Variants in CEP41 observed in about 807,000 individuals in gnomAD.
The protein encoded by CEP41 is centrosomal protein of 41 kDa.
CEP41 carries 32 observed loss-of-function variants against 44.3 expected under a neutral mutation model. The observed-to-expected ratio is 0.72, with a 90% CI of 0.54 to 0.97. The LOEUF (loss-of-function observed/expected upper bound fraction) is 0.97. CEP41 is among the 50% of genes least tolerant of loss of function. CEP41 has a pLI of 0.00. For synonymous variants in CEP41, 151 were observed against 168.5 expected (o/e 0.90, Z 0.80); for missense variants, 432 against 455.2 (o/e 0.95, Z 0.46).
chr7:130,412,130 G>A (rs782579089), intron 4 of CEP41, 49 bp downstream of exon 4: 1 of 975,474 alleles, frequency 1.0e-6, no homozygotes, highest in East Asian at 2.4e-5. Context: ...TACATAAAGT[G>A]GCACAAATTA....
At chr7:130,428,999 G>C (rs1286291780) in intron 1 of CEP41, among the ~76,000 whole-genome samples, 4 of 152,104 alleles carry the variant, frequency 2.6e-5, no homozygotes, top group Non-Finnish European at 5.9e-5. Flanking sequence ...TCAGTCCACT[G>C]TTGCAACCCA....
chr7:130,407,356 A>G (rs1351127281), intron 5 of CEP41, among the ~76,000 whole-genome samples: 1 of 151,978 alleles, frequency 6.6e-6, no homozygotes, highest in African/African-American at 2.4e-5. Flanking sequence ...AGCAATATAT[A>G]CCCATGGGTT....
chr7:130,400,222 C>A lies in CEP41; in HGVS notation c.790G>T (p.Gly264Ter). 6.2e-7 allele frequency: 1 copy of A among 1,613,864 alleles called. No homozygotes were observed. Among genetic ancestry groups the A allele is most frequent in the South Asian group, 1.1e-5 (1 of 91,062 alleles). The stretch of plus-strand genomic sequence containing the variant: ...GCTGGCAGGGAACCAGTAATCAGTC[C>A]TTCCGGGAATTTCTGAGCTAAGACT... Reference protein sequence around the residue: ...LKVLAQKFPEGLITGSLPASC... With the variant: ...LKVLAQKFPE Residue 264 changes from glycine (G) to a stop codon, truncating the protein, a stop_gained, in exon 10 of 11, where the codon GGA becomes TGA. Transcript: ENST00000223208. LOFTEE classifies it high-confidence loss of function.
At chr7:130,416,848 G>T (rs1797352256) in intron 3 of CEP41, 71 bp downstream of exon 3, 1 of 1,165,890 alleles carries the variant, frequency 8.6e-7, no homozygotes, top group South Asian at 1.2e-5. Flanking sequence ...GAACACAATT[G>T]TTAGTTAAGA....
At chr7:130,416,800 A>G (rs1484698832) in intron 3 of CEP41, 119 bp downstream of exon 3, 2 of 834,174 alleles carry the variant, frequency 2.4e-6, no homozygotes, top group Non-Finnish European at 4.2e-6. Context: ...TGCTAGGCTT[A>G]TCGGACCATC....
chr7:130,421,085 A>G (rs1249723846), intron 2 of CEP41: 2 of 984,102 alleles, frequency 2.0e-6, no homozygotes, highest in Non-Finnish European at 2.4e-6. Context: ...ATATAACAAA[A>G]CTTTACAATT....
chr7:130,436,056 A>G (rs1182277182), intron 1 of CEP41, among the ~76,000 whole-genome samples: 1 of 152,234 alleles, frequency 6.6e-6, no homozygotes, highest in Admixed American at 6.5e-5. Flanking sequence ...CAGGAGGCTG[A>G]GGCAGGAGAA....
intron 1 of CEP41, among the ~76,000 whole-genome samples, chr7:130,436,261 C>T (rs922282630): frequency 4.6e-5 from 7 of 151,292 alleles, no homozygotes; most frequent in Non-Finnish European, 1.0e-4. Flanking sequence ...AACTTGTATG[C>T]GACTCAAGGA....
At chr7:130,404,481 A>AG in intron 6 of CEP41, 83 bp downstream of exon 6, 23 of 1,154,414 alleles carry the variant, frequency 2.0e-5, no homozygotes, top group Non-Finnish European at 3.0e-5. Context: ...TTCTAAGGCA[A>AG]GAAAAAAAAA....
At position 130,396,244 on chromosome 7, in the gene CEP41, A is replaced by G. The variant is rs1796654498; in HGVS notation, c.*2647T>C. The G allele has an allele frequency of 2.2e-6, 1 of 453,996 alleles. No individual in the cohort carries two copies. The highest frequency in any genetic ancestry group is 1.6e-5 in the South Asian group (1 of 64,480). 28.1% of individuals were successfully genotyped at this position (453,996 alleles called of 1,614,324 possible). On this transcript the variant is annotated 3_prime_UTR_variant, in exon 11 of 11. Transcript: ENST00000223208. ...GTCTCAGGGTTCACAAGCCCCAGAC[A>G]AGGGCAGCTAGTCAACCCCTGAGAC...
chr7:130,410,822 A>G (rs1408559352), intron 5 of CEP41: 2 of 438,148 alleles, frequency 4.6e-6, no homozygotes, highest in African/African-American at 2.0e-5. Context: ...GCAGTCTCAT[A>G]GTACTTAATG....
chr7:130,401,200 G>T, intron 8 of CEP41: 1 of 221,192 alleles, frequency 4.5e-6, no homozygotes, highest in East Asian at 1.2e-4. Flanking sequence ...GTAAAAATGT[G>T]GGAGCCATCT....
intron 2 of CEP41, among the ~76,000 whole-genome samples, chr7:130,424,174 A>G (rs1373600689): frequency 6.6e-6 from 1 of 152,166 alleles, no homozygotes; most frequent in Non-Finnish European, 1.5e-5. Context: ...AGGCAGGTGG[A>G]TCACTTGAGG....
intron 3 of CEP41, among the ~76,000 whole-genome samples, chr7:130,416,236 T>C (rs1195155799): frequency 6.6e-6 from 1 of 152,252 alleles, no homozygotes; most frequent in African/African-American, 2.4e-5. Context: ...ATTCAAGATA[T>C]GAGCAAATCC....
chr7:130,418,291 C>G (rs182432900), intron 2 of CEP41, among the ~76,000 whole-genome samples: 1 of 152,110 alleles, frequency 6.6e-6, no homozygotes, highest in African/African-American at 2.4e-5. Flanking sequence ...AAGATTAGAA[C>G]CAAATACAGT....
chr7:130,439,077 CCT>C (rs1798061744), intron 1 of CEP41, among the ~76,000 whole-genome samples: 1 of 152,142 alleles, frequency 6.6e-6, no homozygotes, highest in Admixed American at 6.5e-5. Flanking sequence ...TTTTCTTCTG[CCT>C]CTGTCACCCC....
intron 1 of CEP41, among the ~76,000 whole-genome samples, chr7:130,438,775 C>A (rs1286777793): frequency 5.3e-5 from 8 of 152,152 alleles, no homozygotes; most frequent in African/African-American, 1.9e-4. Flanking sequence ...TCACCTATCT[C>A]TCCCACCCCC....
At position 130,417,004 on chromosome 7, in the gene CEP41, T is replaced by A; in HGVS notation, c.98-38A>T. Reference sequence around the variant, plus strand: ...TAAGGGGTTTTAGATATACTTTAAATGGAAGCAAATGAGTAACACTGTGGA... The same window carrying A: ...TAAGGGGTTTTAGATATACTTTAAAAGGAAGCAAATGAGTAACACTGTGGA... On this transcript the variant is annotated intron_variant, in intron 2 of 10. Coordinates refer to ENST00000223208, the MANE Select transcript of CEP41 (RefSeq NM_018718.3). 2.1e-6 allele frequency: 3 copies of A among 1,444,784 alleles called. No homozygotes were observed. In the East Asian group the frequency reaches 6.8e-5, roughly 33 times the overall value. The allele number at this position is 1,444,784 out of a possible 1,614,324, so 89.5% of individuals were successfully genotyped here.
intron 1 of CEP41, chr7:130,440,620 C>T (rs747646889): frequency 1.1e-5 from 6 of 555,736 alleles, no homozygotes; most frequent in Non-Finnish European, 1.9e-5. Flanking sequence ...TTTGTCTTTT[C>T]TGTTTTGTAA....
Sources: allele counts gnomAD v4.1 joint callset (sites outside exome capture counted in the v4.1 genomes callset), GRCh38; gene constraint gnomAD v4.1.1; transcripts MANE v1.5; gene names NCBI Gene and HGNC (gene_info 2026-07-23, HGNC 2026-07-21).